The following NLRP11 variants were observed in gnomAD, a reference collection of about 807,000 sequenced individuals.
NLRP11 encodes NLR family pyrin domain containing 11.
A neutral mutation model predicts 79.3 loss-of-function variants in NLRP11; 53 were observed. The ratio of observed to expected loss-of-function variants is 0.67; its 90% CI spans 0.54 to 0.84. NLRP11 has a LOEUF of 0.84. Among genes scored for constraint, NLRP11 ranks in the 40% least tolerant of loss-of-function variants. The pLI, the probability that NLRP11 is intolerant of heterozygous loss-of-function variation, is 0.00. For synonymous variants in NLRP11, 518 were observed against 462.6 expected (o/e 1.12, Z -1.54); for missense variants, 1,264 against 1,255.0 (o/e 1.01, Z -0.11).
At chr19:55,821,201 T>A (rs1327501661) in intron 1 of NLRP11, among the ~76,000 whole-genome samples, 4 of 89,330 alleles carry the variant, frequency 4.5e-5, no homozygotes, top group Non-Finnish European at 8.8e-5. Context: ...TCTCTCTCTC[T>A]CTCTCACACA....
intron 5 of NLRP11, among the ~76,000 whole-genome samples, chr19:55,797,999 A>T (rs117573084): frequency 0.071 from 9,973 of 139,786 alleles, 415 homozygotes; most frequent in African/African-American, 0.11. Context: ...TATTATTATT[A>T]TTTTTTTTTT....
Position 55,809,689 on chromosome 19 carries a change from T to A in NLRP11, c.921A>T (p.Ile307=), listed in dbSNP as rs754933896. The A allele has an allele frequency of 2.8e-5, 45 of 1,614,034 alleles. No homozygotes were observed. The highest frequency in any genetic ancestry group is 3.6e-5 in the Non-Finnish European group (42 of 1,179,990). ...GGTCTTTAAAGAAAGAGTTAAAATA[T>A]ATCTCCCTCTTCCCATTCGACAGCT... is the stretch of plus-strand genomic sequence containing the variant. The change falls in exon 3 of 10, where the codon ATA becomes ATT. Residue 307 remains isoleucine, a synonymous_variant. Transcript: ENST00000589093. The surrounding 1 kb of genome is among the most constrained non-coding windows in gnomAD (Gnocchi z 4.5).
intron 1 of NLRP11, among the ~76,000 whole-genome samples, chr19:55,828,807 A>C (rs1414585375): frequency 2.6e-5 from 4 of 152,240 alleles, no homozygotes; most frequent in Non-Finnish European, 5.9e-5. Flanking sequence ...TTATAGAATA[A>C]GGAATGTTCC....
intron 1 of NLRP11, among the ~76,000 whole-genome samples, chr19:55,827,596 G>A (rs1167728164): frequency 6.7e-6 from 1 of 149,420 alleles, no homozygotes; most frequent in Non-Finnish European, 1.5e-5. Context: ...CCATCAAAAA[G>A]TGGGCAAAGG....
chr19:55,804,439 A>ATTTT (rs56849592), intron 4 of NLRP11, among the ~76,000 whole-genome samples: 1 of 147,174 alleles, frequency 6.8e-6, no homozygotes, highest in Non-Finnish European at 1.5e-5. Context: ...AAAAGAGAGC[A>ATTTT]TTTTTTTTTT....
chr19:55,814,575 T>A (rs898629529), intron 2 of NLRP11, among the ~76,000 whole-genome samples: 4 of 116,700 alleles, frequency 3.4e-5, no homozygotes, highest in African/African-American at 1.8e-4. Flanking sequence ...AGGATAACCA[T>A]GCAACTAAAA....
At position 55,788,788 on chromosome 19, in the gene NLRP11, A is replaced by G. The variant is rs1052861919; in HGVS notation, c.2855+19T>C. ...AAAAAAAGAATTTTCCCCATCACCAAGGAAAATAAGCAACTTACCCAACTA... is the reference window on the plus strand; with the variant it reads ...AAAAAAAGAATTTTCCCCATCACCAGGGAAAATAAGCAACTTACCCAACTA... On this transcript the variant is annotated intron_variant, in intron 9 of 9. Transcript: ENST00000589093. The G allele has an allele frequency of 1.4e-6, 2 of 1,450,348 alleles. No homozygotes were observed. Among genetic ancestry groups the G allele is most frequent in the African/African-American group, 2.9e-5 (2 of 68,650 alleles). 89.8% of individuals were successfully genotyped at this position (1,450,348 alleles called of 1,614,324 possible).
intron 6 of NLRP11, among the ~76,000 whole-genome samples, chr19:55,793,359 A>C (rs1978467374): frequency 6.6e-6 from 1 of 152,010 alleles, no homozygotes; most frequent in South Asian, 2.1e-4. Context: ...ACCTGAGTTC[A>C]GGACTTCGAG....
intron 7 of NLRP11, among the ~76,000 whole-genome samples, chr19:55,791,088 C>T (rs1304430809): frequency 6.6e-6 from 1 of 152,132 alleles, no homozygotes. Flanking sequence ...GGAACATAGC[C>T]ACACCCATTT....
chr19:55,807,477 C>A (rs1980109906), intron 4 of NLRP11, among the ~76,000 whole-genome samples: 1 of 152,052 alleles, frequency 6.6e-6, no homozygotes, highest in Non-Finnish European at 1.5e-5. Context: ...TCCCAGTCCC[C>A]CTTTGTAGTT....
At chr19:55,789,096 G>T in intron 8 of NLRP11, 119 bp from the exon 9 acceptor site, 1 of 1,382,946 alleles carries the variant, frequency 7.2e-7, no homozygotes, top group Non-Finnish European at 1.0e-6. Context: ...AGAACTGACT[G>T]TGCAATAAGA....
rs1321385071 is a variant in NLRP11 at position 55,809,739 on chromosome 19, C to G, written c.871G>C (p.Glu291Gln). Residue 291 changes from glutamate to glutamine, a missense_variant, in exon 3 of 10, where the codon GAG (glutamate) becomes CAG (glutamine). Glu to Gln is a conservative substitution (Grantham distance 29). Coordinates refer to ENST00000589093, the Ensembl canonical transcript of NLRP11. The surrounding 1 kb of genome is among the most constrained non-coding windows in gnomAD (Gnocchi z 4.5). ...TGCAAGGTCGTGCAGCAATCTACCT[C>G]TTTCAAGAACGTTTTTACATTATTC... The G allele has an allele frequency of 6.2e-7, 1 of 1,614,200 alleles. No individual in the cohort carries two copies. Among genetic ancestry groups the G allele is most frequent in the Non-Finnish European group, 8.5e-7 (1 of 1,180,032 alleles).
chr19:55,808,751 T>A lies in NLRP11; in HGVS notation c.1841+18A>T, dbSNP rs1166907688. Reference sequence around the variant, plus strand: ...TCTTAGGAAGACAGGAAAGAGGATTTATTTTTTAAAGACTCACCTAGCAGT... The same window carrying A: ...TCTTAGGAAGACAGGAAAGAGGATTAATTTTTTAAAGACTCACCTAGCAGT... On this transcript the variant is annotated intron_variant, in intron 3 of 9. Transcript: ENST00000589093. 1 of 1,580,920 alleles carries A rather than the reference T, an allele frequency of 6.3e-7. No individual in the cohort carries two copies. Among genetic ancestry groups the A allele is most frequent in the Non-Finnish European group, 8.6e-7 (1 of 1,165,588 alleles).
intron 4 of NLRP11, among the ~76,000 whole-genome samples, chr19:55,804,459 G>T (rs370465659): frequency 1.5e-4 from 22 of 151,652 alleles, no homozygotes; most frequent in African/African-American, 4.6e-4. Context: ...TTTGGCGGGG[G>T]CAGGAATATG....
intron 8 of NLRP11, 50 bp from the exon 9 acceptor site, chr19:55,789,027 T>C (rs750536913): frequency 1.3e-5 from 21 of 1,602,318 alleles, no homozygotes; most frequent in South Asian, 1.1e-4. Flanking sequence ...TGAGGAAAAA[T>C]GGCAGATGAG....
At position 55,809,065 on chromosome 19, in the gene NLRP11, T is replaced by A. The variant is rs1980304488; in HGVS notation, c.1545A>T (p.Leu515=). 15 of 1,613,542 alleles carry A rather than the reference T, an allele frequency of 9.3e-6. No individual in the cohort carries two copies. Among genetic ancestry groups the A allele is most frequent in the Non-Finnish European group, 1.3e-5 (15 of 1,179,562 alleles). Reference sequence around the variant, plus strand: ...ACCACTTGAAGCTGTCTACCATCGGTAGCTGGTATCCAAAGGATGTCTCAA... The same window carrying A: ...ACCACTTGAAGCTGTCTACCATCGGAAGCTGGTATCCAAAGGATGTCTCAA... Residue 515 remains leucine, a synonymous_variant, in exon 3 of 10, where the codon CTA becomes CTT. Coordinates refer to ENST00000589093, the Ensembl canonical transcript of NLRP11. The surrounding 1 kb of genome is among the most constrained non-coding windows in gnomAD (Gnocchi z 4.5).
At chr19:55,832,427 A>T (rs1247733712), upstream of NLRP11, among the ~76,000 whole-genome samples, 2 of 152,240 alleles carry the variant, frequency 1.3e-5, no homozygotes, top group Non-Finnish European at 2.9e-5. Flanking sequence ...TTGTGGAACA[A>T]ATGCAACCAA....
chr19:55,818,682 C>T (rs1178754861), intron 1 of NLRP11, among the ~76,000 whole-genome samples: 1 of 152,070 alleles, frequency 6.6e-6, no homozygotes, highest in Non-Finnish European at 1.5e-5. Context: ...TGATTATACT[C>T]CTTGGAGGTA....
chr19:55,790,429 G>C (rs11879654), intron 7 of NLRP11, among the ~76,000 whole-genome samples: 12,923 of 152,092 alleles, frequency 0.085, 1,250 homozygotes, highest in African/African-American at 0.24. Flanking sequence ...CAGATTTGGC[G>C]CCTGGGTGAT....
Sources: allele counts gnomAD v4.1 joint callset (sites outside exome capture counted in the v4.1 genomes callset), GRCh38; gene constraint gnomAD v4.1.1; non-coding constraint Gnocchi (gnomAD v3.1); transcripts MANE v1.5; gene names NCBI Gene and HGNC (gene_info 2026-07-23, HGNC 2026-07-21).